Variants in PTPN6 observed in about 807,000 individuals in gnomAD.
The protein encoded by PTPN6 is tyrosine-protein phosphatase non-receptor type 6.
A neutral mutation model predicts 81.5 loss-of-function variants in PTPN6; 18 were observed. That is an observed-to-expected ratio of 0.22 (90% confidence interval 0.15 to 0.33). The LOEUF (loss-of-function observed/expected upper bound fraction) is 0.33. Among genes scored for constraint, PTPN6 ranks in the 10% least tolerant of loss-of-function variants. PTPN6 has a pLI of 1.00. For synonymous variants in PTPN6, 301 were observed against 310.9 expected, an observed-to-expected ratio of 0.97 and a Z score of 0.33; for missense variants, 500 against 794.2, an observed-to-expected ratio of 0.63 and a Z score of 4.45.
At position 6,955,030 on chromosome 12, in the gene PTPN6, G is replaced by A. The variant is rs1946001306; in HGVS notation, c.516+36G>A. 1.2e-6 allele frequency: 2 copies of A among 1,612,728 alleles called. No homozygotes were observed. The highest frequency in any genetic ancestry group is 2.7e-5 in the African/African-American group (2 of 74,912). On this transcript the variant is annotated intron_variant, in intron 4 of 15. Coordinates refer to ENST00000318974, the MANE Select transcript of PTPN6 (RefSeq NM_002831.6). The surrounding 1 kb of genome is among the most constrained non-coding windows in gnomAD (Gnocchi z 7.2). ...CAGGCGGCGGGGGAGCCTCTGCTGA[G>A]GCTCCTGTCTGTGACCACAGTGTGG... is the stretch of plus-strand genomic sequence containing the variant.
At chr12:6,946,803 T>C (rs1035306716), upstream of PTPN6, 29 of 1,513,598 alleles carry the variant, frequency 1.9e-5, no homozygotes, top group African/African-American at 3.5e-4. Flanking sequence ...GAGGGCTTTG[T>C]TGATGCTCAC....
rs1256716609 is a variant in PTPN6, at chr12:6,956,718, C to T, written c.1074+150C>T. On this transcript the variant is annotated intron_variant, in intron 9 of 15. Coordinates refer to ENST00000318974, the MANE Select transcript of PTPN6 (RefSeq NM_002831.6). The surrounding 1 kb of genome is among the most constrained non-coding windows in gnomAD (Gnocchi z 4.1). ...CTGAGGGCTAGTGACAAAGTCTCGACTACACAACGTGACCCCCAGATCCCT... is the reference window on the plus strand; with the variant it reads ...CTGAGGGCTAGTGACAAAGTCTCGATTACACAACGTGACCCCCAGATCCCT... The T allele has an allele frequency of 9.4e-7, 1 of 1,068,272 alleles. No individual in the cohort carries two copies. The highest frequency in any genetic ancestry group is 1.4e-6 in the Non-Finnish European group (1 of 734,228). The allele number at this position is 1,068,272 out of a possible 1,614,324, so 66.2% of individuals were successfully genotyped here. A position where few individuals can be genotyped will look rare whatever the true frequency, so the allele number is the denominator to read the frequency against.
At position 6,960,479 on chromosome 12, in the gene PTPN6, C is replaced by T. The variant is rs1555149674; in HGVS notation, c.1673+44C>T. 1.3e-6 allele frequency: 2 copies of T among 1,581,754 alleles called. No homozygotes were observed. Among genetic ancestry groups the T allele is most frequent in the Middle Eastern group, 1.7e-4 (1 of 5,996 alleles). ...CACTGCCCGGCATCCACCCCTTTGT[C>T]CTGCCCAGCCCGATCCTCACTTTCT... is the stretch of plus-strand genomic sequence containing the variant. On this transcript the variant is annotated intron_variant, in intron 14 of 15. Transcript: ENST00000318974. The surrounding 1 kb of genome is among the most constrained non-coding windows in gnomAD (Gnocchi z 6.1).
At position 6,960,654 on chromosome 12, in the gene PTPN6, G is replaced by A. The variant is rs1555149735; in HGVS notation, c.1674-152G>A. The A allele has an allele frequency of 6.5e-7, 1 of 1,548,946 alleles. No individual in the cohort carries two copies. Among genetic ancestry groups the A allele is most frequent in the South Asian group, 1.2e-5 (1 of 84,016 alleles). On this transcript the variant is annotated intron_variant, in intron 14 of 15. Transcript: ENST00000318974. This position sits in a 1 kb window ranked among gnomAD's most constrained non-coding sequence, Gnocchi z 6.1. ...CACTCGTGTATGAGATGTAGCCTCT[G>A]TCCTCTAGGAGCTTGGAGTCTAGTG...
upstream of PTPN6, among the ~76,000 whole-genome samples, chr12:6,950,948 A>G (rs1945912287): frequency 6.6e-6 from 1 of 152,176 alleles, no homozygotes; most frequent in Non-Finnish European, 1.5e-5. Flanking sequence ...AGGCATGTGA[A>G]CGCCATTATA....
upstream of PTPN6, among the ~76,000 whole-genome samples, chr12:6,946,997 C>T (rs1202603085): frequency 2.0e-5 from 3 of 152,192 alleles, no homozygotes; most frequent in Non-Finnish European, 4.4e-5. Flanking sequence ...TACTTCCAGC[C>T]TCTGGGCTCC....
upstream of PTPN6, chr12:6,946,815 C>T: frequency 6.8e-7 from 1 of 1,461,404 alleles, no homozygotes; most frequent in Non-Finnish European, 9.4e-7. Flanking sequence ...GATGCTCACT[C>T]CGACGTGTGT....
chr12:6,951,861 A>G lies in PTPN6; in HGVS notation c.132-122A>G. ...CTGTTCCCTTGCCCCCAACCCCCACACTCCCCATCCCTGTCTGTGCCCACC... is the reference window on the plus strand; with the variant it reads ...CTGTTCCCTTGCCCCCAACCCCCACGCTCCCCATCCCTGTCTGTGCCCACC... On this transcript the variant is annotated intron_variant, in intron 2 of 15. Coordinates refer to ENST00000318974, the MANE Select transcript of PTPN6 (RefSeq NM_002831.6). The surrounding 1 kb of genome is among the most constrained non-coding windows in gnomAD (Gnocchi z 7.2). 1 of 1,547,244 alleles carries G rather than the reference A, an allele frequency of 6.5e-7. No individual in the cohort carries two copies. Among genetic ancestry groups the G allele is most frequent in the East Asian group, 2.3e-5 (1 of 43,940 alleles).
chr12:6,950,610 A>T (rs370453993), upstream of PTPN6, among the ~76,000 whole-genome samples: 13 of 152,292 alleles, frequency 8.5e-5, no homozygotes, highest in East Asian at 1.2e-3. Flanking sequence ...AGTGGCATGG[A>T]CAAACTGCAT....
rs1226412821 is a variant in PTPN6, at chr12:6,960,257, C to T, written c.1581+18C>T. ...TCCTGCAGGTGCGTGCAGAGCAGGG[C>T]CTGGGGGGGGGGGGGGCTGCAGTGC... On this transcript the variant is annotated intron_variant, in intron 13 of 15. Coordinates refer to ENST00000318974, the MANE Select transcript of PTPN6 (RefSeq NM_002831.6). This position sits in a 1 kb window ranked among gnomAD's most constrained non-coding sequence, Gnocchi z 6.1. 7.1e-7 allele frequency: 1 copy of T among 1,418,156 alleles called. No individual in the cohort carries two copies. Among genetic ancestry groups the T allele is most frequent in the Non-Finnish European group, 9.5e-7 (1 of 1,053,374 alleles). The allele number at this position is 1,418,156 out of a possible 1,614,324, so 87.8% of individuals were successfully genotyped here.
rs1332777797 is a variant in PTPN6, at chr12:6,956,894, C to T, written c.1074+326C>T. ...GAGTCTGCCCCTTACCCTGCAGGCT[C>T]CCCCTACACAGCACCCTCTGTGCTG... On this transcript the variant is annotated intron_variant, in intron 9 of 15. Coordinates refer to ENST00000318974, the MANE Select transcript of PTPN6 (RefSeq NM_002831.6). This position sits in a 1 kb window ranked among gnomAD's most constrained non-coding sequence, Gnocchi z 4.1. 6.6e-6 allele frequency among the ~76,000 whole-genome samples: 1 copy of T among 152,080 alleles called. No homozygotes were observed. Among genetic ancestry groups the T allele is most frequent in the Non-Finnish European group, 1.5e-5 (1 of 68,014 alleles).
rs1212656314 is a variant in PTPN6, at chr12:6,956,333, A to C, written c.925-86A>C. 1 of 1,611,694 alleles carries C rather than the reference A, an allele frequency of 6.2e-7. No homozygotes were observed. Among genetic ancestry groups the C allele is most frequent in the Non-Finnish European group, 8.5e-7 (1 of 1,177,852 alleles). On this transcript the variant is annotated intron_variant, in intron 8 of 15. Transcript: ENST00000318974. This position sits in a 1 kb window ranked among gnomAD's most constrained non-coding sequence, Gnocchi z 4.1. ...GGCAAAGCCGAAGCTGGCTTCTTGC[A>C]TGGGTGAGGGTGGCAGTGGTTCAGG...
In PTPN6 at chr12:6,955,229, A is replaced by C; in HGVS notation, c.595A>C (p.Ile199Leu). 1 of 1,614,122 alleles carries C rather than the reference A, an allele frequency of 6.2e-7. No homozygotes were observed. The highest frequency in any genetic ancestry group is 8.5e-7 in the Non-Finnish European group (1 of 1,180,008). The change falls in exon 5 of 16, where the codon ATT becomes CTT. Residue 199 changes from isoleucine to leucine, a missense_variant. Physicochemically the swap from Ile to Leu is conservative, Grantham distance 5. Around this residue, in one of 6 missense-constraint regions of PTPN6, gnomAD observed 96 missense variants for 137.3 expected, o/e 0.70. Transcript: ENST00000318974. This position sits in a 1 kb window ranked among gnomAD's most constrained non-coding sequence, Gnocchi z 7.2. ...DLVEHFKKTG[I>L]EEASGAFVYL... is the part of the protein sequence containing the mutation. ...GGTGGAGCATTTCAAGAAGACGGGG[A>C]TTGAGGAGGCCTCAGGCGCCTTTGT...
rs1424465965 is a variant in PTPN6 at position 6,951,765 on chromosome 12, G to A, written c.131+34G>A. ...GCCCCCCGCAACCCCGGGCATTTTG[G>A]CCACTCTCTTGTGCCATCCAGGCCC... On this transcript the variant is annotated intron_variant, in intron 2 of 15. Transcript: ENST00000318974. This position sits in a 1 kb window ranked among gnomAD's most constrained non-coding sequence, Gnocchi z 7.2. 6.2e-7 allele frequency: 1 copy of A among 1,607,300 alleles called. No individual in the cohort carries two copies. Among genetic ancestry groups the A allele is most frequent in the African/African-American group, 1.3e-5 (1 of 74,870 alleles).
chr12:6,947,116 C>T (rs1006787227), upstream of PTPN6, among the ~76,000 whole-genome samples: 1 of 152,198 alleles, frequency 6.6e-6, no homozygotes, highest in Non-Finnish European at 1.5e-5. Context: ...CCAACTTCTC[C>T]GCACTTCCCA....
At position 6,951,636 on chromosome 12, in the gene PTPN6, G is replaced by T; in HGVS notation, c.36G>T (p.Leu12=). 6.2e-7 allele frequency: 1 copy of T among 1,613,604 alleles called. No individual in the cohort carries two copies. The highest frequency in any genetic ancestry group is 1.3e-5 in the African/African-American group (1 of 74,886). The change falls in exon 2 of 16, where the codon CTG becomes CTT. Residue 12 remains leucine (L), a synonymous_variant. Transcript: ENST00000318974. This position sits in a 1 kb window ranked among gnomAD's most constrained non-coding sequence, Gnocchi z 7.2. The stretch of plus-strand genomic sequence containing the variant: ...GGTTTCACCGAGACCTCAGTGGGCT[G>T]GATGCAGAGACCCTGCTCAAGGGCC... ...VRWFHRDLSG[L]DAETLLKGRG...
chr12:6,951,784 C>A lies in PTPN6; in HGVS notation c.131+53C>A. The A allele has an allele frequency of 6.2e-7, 1 of 1,604,400 alleles. No individual in the cohort carries two copies. The highest frequency in any genetic ancestry group is 8.5e-7 in the Non-Finnish European group (1 of 1,179,802). ...ATTTTGGCCACTCTCTTGTGCCATC[C>A]AGGCCCTGAACCACTCATTCCTGGT... On this transcript the variant is annotated intron_variant, in intron 2 of 15. Transcript: ENST00000318974. This position sits in a 1 kb window ranked among gnomAD's most constrained non-coding sequence, Gnocchi z 7.2.
chr12:6,961,211 A>C lies in PTPN6; in HGVS notation c.*111A>C. On this transcript the variant is annotated 3_prime_UTR_variant, in exon 16 of 16. Coordinates refer to ENST00000318974, the MANE Select transcript of PTPN6 (RefSeq NM_002831.6). ...AGTGCCCCATTCTTTTGTAATTTAAATGGCTGCATCCCCCCCACCTCTCCC... is the reference window on the plus strand; with the variant it reads ...AGTGCCCCATTCTTTTGTAATTTAACTGGCTGCATCCCCCCCACCTCTCCC... The C allele has an allele frequency of 6.4e-6, 3 of 465,358 alleles. No individual in the cohort carries two copies. The highest frequency in any genetic ancestry group is 4.4e-5 in the East Asian group (1 of 22,512). The allele number at this position is 465,358 out of a possible 1,614,324, so 28.8% of individuals were successfully genotyped here.
chr12:6,960,416 G>C lies in PTPN6; in HGVS notation c.1654G>C (p.Ala552Pro), dbSNP rs782253557. Residue 552 changes from alanine to proline, a missense_variant, in exon 14 of 16, where the codon GCC (alanine) becomes CCC (proline). By Grantham distance (27) the Ala-to-Pro change is conservative. Around this residue, in one of 6 missense-constraint regions of PTPN6, gnomAD observed 56 missense variants for 56.4 expected, o/e 0.99. Transcript: ENST00000318974. This position sits in a 1 kb window ranked among gnomAD's most constrained non-coding sequence, Gnocchi z 6.1. Reference sequence around the variant, plus strand: ...AGCCATGAAGAATGCCCATGCCAAGGCCTCCCGCACCTCGTCCAAGTGAGT... The same window carrying C: ...AGCCATGAAGAATGCCCATGCCAAGCCCTCCCGCACCTCGTCCAAGTGAGT... ...PPAMKNAHAK[A>P]SRTSSKHKED... is the part of the protein sequence containing the mutation. 1.9e-6 allele frequency: 3 copies of C among 1,613,720 alleles called. No individual in the cohort carries two copies. Among genetic ancestry groups the C allele is most frequent in the South Asian group, 1.1e-5 (1 of 91,052 alleles).
Sources: gnomAD v4.1 joint callset for allele counts (sites outside exome capture counted in the v4.1 genomes callset) on GRCh38, gnomAD v4.1.1 for gene constraint, gnomAD v4.1.1 regional missense constraint, Gnocchi (gnomAD v3.1) non-coding constraint, MANE v1.5 for transcripts, NCBI Gene and HGNC (gene_info 2026-07-23, HGNC 2026-07-21) for gene names.